The following SPATA31H1 variants were observed in gnomAD, a reference collection of about 807,000 sequenced individuals.
SPATA31H1 encodes SPATA31 subfamily H member 1, also known as spermatogenesis-associated protein 31H1.
chr2:27,569,530 T>C, the SPATA31H1 span: 1 of 398,862 alleles, frequency 2.5e-6, no homozygotes. Context: ...CCATTATTGA[T>C]AGGATCTAAA....
chr2:27,565,589 T>C, the SPATA31H1 span, among the ~76,000 whole-genome samples: 1 of 152,220 alleles, frequency 6.6e-6, no homozygotes, highest in Admixed American at 6.5e-5. Flanking sequence ...GTTCCTTTCC[T>C]TATACTTCCT....
chr2:27,550,554 G>A, the SPATA31H1 span, among the ~76,000 whole-genome samples: 2 of 151,382 alleles, frequency 1.3e-5, no homozygotes, highest in Non-Finnish European at 1.5e-5. Flanking sequence ...GAGTAGCTGG[G>A]ATTACAGGCA....
the SPATA31H1 span, among the ~76,000 whole-genome samples, chr2:27,550,383 A>G: frequency 1.3e-5 from 2 of 150,080 alleles, no homozygotes; most frequent in Non-Finnish European, 3.0e-5. Context: ...TCCAGTCTGC[A>G]AATAGTTTTA....
chr2:27,579,256 TG>T, the SPATA31H1 span: 1 of 1,614,114 alleles, frequency 6.2e-7, no homozygotes, highest in Non-Finnish European at 8.5e-7. Flanking sequence ...ATGCTAATGC[TG>T]GGGAATATTT....
the SPATA31H1 span, chr2:27,566,011 T>C: frequency 1.4e-6 from 1 of 717,236 alleles, no homozygotes. Context: ...TCAATAGTCA[T>C]GAGGCTGACA....
the SPATA31H1 span, chr2:27,580,161 T>C: frequency 1.9e-6 from 3 of 1,614,180 alleles, no homozygotes; most frequent in Non-Finnish European, 8.5e-7. Context: ...TATATCACCA[T>C]CACAAAGGAA....
chr2:27,576,790 G>A, the SPATA31H1 span: 8 of 1,613,976 alleles, frequency 5.0e-6, 1 homozygote, highest in African/African-American at 4.0e-5. Flanking sequence ...AAGTTGCAAA[G>A]CGTAAAACAT....
At chr2:27,569,058 G>C in the SPATA31H1 span, 3 of 398,836 alleles carry the variant, frequency 7.5e-6, no homozygotes, top group African/African-American at 6.2e-5. Flanking sequence ...AACTAGCCCA[G>C]GGCCACTGAG....
chr2:27,553,168 T>C, the SPATA31H1 span, among the ~76,000 whole-genome samples: 1 of 152,102 alleles, frequency 6.6e-6, no homozygotes, highest in Non-Finnish European at 1.5e-5. Flanking sequence ...GTCTAACCTG[T>C]TGAAAGTGAG....
chr2:27,549,689 G>A, the SPATA31H1 span, among the ~76,000 whole-genome samples: 4 of 151,820 alleles, frequency 2.6e-5, no homozygotes, highest in African/African-American at 9.7e-5. Flanking sequence ...CATGCCTGTA[G>A]TCTCAGCTAC....
At chr2:27,581,401 C>G in the SPATA31H1 span, 1 of 1,613,984 alleles carries the variant, frequency 6.2e-7, no homozygotes, top group Non-Finnish European at 8.5e-7. Flanking sequence ...CGCAGTCCGT[C>G]TCAGAGAAAT....
chr2:27,566,651 C>A, the SPATA31H1 span: 1 of 562,256 alleles, frequency 1.8e-6, no homozygotes. Flanking sequence ...CTCCTTCAGG[C>A]CAAAAATATT....
the SPATA31H1 span, among the ~76,000 whole-genome samples, chr2:27,564,317 G>T: frequency 6.6e-6 from 1 of 151,982 alleles, no homozygotes; most frequent in Admixed American, 6.6e-5. Flanking sequence ...TTTTCCCAGG[G>T]TCTCCATTCC....
At chr2:27,565,804 T>C in the SPATA31H1 span, among the ~76,000 whole-genome samples, 1 of 152,216 alleles carries the variant, frequency 6.6e-6, no homozygotes, top group Non-Finnish European at 1.5e-5. Context: ...CTTATTACTA[T>C]GATTATTCCT....
the SPATA31H1 span, among the ~76,000 whole-genome samples, chr2:27,542,856 G>T: frequency 6.6e-6 from 1 of 151,972 alleles, no homozygotes; most frequent in African/African-American, 2.4e-5. Flanking sequence ...CAGAACTTTG[G>T]GAGGCTGAGG....
chr2:27,579,980 A>G, the SPATA31H1 span: 1 of 1,614,226 alleles, frequency 6.2e-7, no homozygotes, highest in Non-Finnish European at 8.5e-7. Context: ...ATCATAAATT[A>G]CAGACCACTT....
the SPATA31H1 span, chr2:27,582,647 T>A: frequency 5.9e-6 from 6 of 1,018,608 alleles, no homozygotes; most frequent in African/African-American, 1.6e-5. Context: ...AAGGCTTCCA[T>A]TTCTCTCTAC....
At chr2:27,579,777 C>T in the SPATA31H1 span, 3 of 1,614,180 alleles carry the variant, frequency 1.9e-6, no homozygotes, top group South Asian at 3.3e-5. Context: ...CTCCCTCAAG[C>T]CAAATTATCT....
chr2:27,580,796 C>CAAG, the SPATA31H1 span: 1 of 1,614,200 alleles, frequency 6.2e-7, no homozygotes, highest in Non-Finnish European at 8.5e-7. Flanking sequence ...TCAAAAGAGA[C>CAAG]AAGAGGTCAG....
Sources: gnomAD v4.1 joint callset for allele counts (sites outside exome capture counted in the v4.1 genomes callset) on GRCh38, gnomAD v4.1.1 for gene constraint, MANE v1.5 for transcripts, NCBI Gene and HGNC (gene_info 2026-07-23, HGNC 2026-07-21) for gene names.